FAM222B: variants seen among roughly 807,000 people sequenced by gnomAD.
FAM222B encodes the protein family with sequence similarity 222 member B.
In FAM222B, 12 loss-of-function variants were observed where a neutral mutation model predicts 38.0. The observed-to-expected ratio is 0.32, with a 90% CI of 0.20 to 0.51. The LOEUF (loss-of-function observed/expected upper bound fraction) is 0.51. FAM222B is among the 20% of genes least tolerant of loss of function. The pLI is 0.97. For missense variants in FAM222B, 716 were observed against 754.2 expected, an observed-to-expected ratio of 0.95 and a Z score of 0.59; for synonymous variants, 329 against 317.2, an observed-to-expected ratio of 1.04 and a Z score of -0.40.
chr17:28,852,138 C>G (rs916425528), intron 1 of FAM222B, among the ~76,000 whole-genome samples: 2 of 151,544 alleles, frequency 1.3e-5, no homozygotes, highest in Non-Finnish European at 2.9e-5. Flanking sequence ...GAGGCCAAGG[C>G]GGGTGGATCA....
chr17:28,762,893 G>T (rs1046327064), intron 2 of FAM222B, among the ~76,000 whole-genome samples: 1 of 149,460 alleles, frequency 6.7e-6, no homozygotes, highest in Non-Finnish European at 1.5e-5. Context: ...AGCCAAGATC[G>T]CACCACTGCA....
intron 2 of FAM222B, among the ~76,000 whole-genome samples, chr17:28,763,527 C>G (rs2035184309): frequency 6.6e-6 from 1 of 152,232 alleles, no homozygotes; most frequent in Admixed American, 6.5e-5. Flanking sequence ...CCAATGGAGA[C>G]CTCTCTGTTC....
rs575232453 is a variant in FAM222B at position 28,782,255 on chromosome 17, G to A, written c.-40-15548C>T. 3.3e-5 allele frequency among the ~76,000 whole-genome samples: 5 copies of A among 152,304 alleles called. No homozygotes were observed. The South Asian group carries it at 1.0e-3, about 32-fold the overall frequency. Reference sequence around the variant, plus strand: ...GAGGATCACTTAGGCTCAGGAGCTCGAGGTTGCAGTGAGTTATGAATGCAC... The same window carrying A: ...GAGGATCACTTAGGCTCAGGAGCTCAAGGTTGCAGTGAGTTATGAATGCAC... On this transcript the variant is annotated intron_variant, in intron 1 of 2. Coordinates refer to ENST00000581407, the MANE Select transcript of FAM222B (RefSeq NM_001077498.3).
intron 1 of FAM222B, among the ~76,000 whole-genome samples, chr17:28,814,181 AAAAAAAAAAAG>A (rs1282566700): frequency 1.3e-5 from 2 of 151,156 alleles, no homozygotes; most frequent in Non-Finnish European, 3.0e-5. Context: ...CTAACTCCAA[AAAAAAAAAAAG>A]AAAAGAAAAA....
intron 1 of FAM222B, among the ~76,000 whole-genome samples, chr17:28,851,472 T>C (rs1378201710): frequency 6.6e-6 from 1 of 151,834 alleles, no homozygotes; most frequent in Admixed American, 6.6e-5. Context: ...AGGCAGAGGT[T>C]GCAGTGAGCC....
chr17:28,810,568 A>T (rs1331080538), intron 1 of FAM222B, among the ~76,000 whole-genome samples: 2 of 152,110 alleles, frequency 1.3e-5, no homozygotes, highest in Non-Finnish European at 2.9e-5. Flanking sequence ...TCAATCAGTG[A>T]TTTTTAACAG....
At chr17:28,849,539 C>G (rs764905558) in intron 1 of FAM222B, 1 of 152,416 alleles carries the variant, frequency 6.6e-6, no homozygotes, top group Non-Finnish European at 1.5e-5. Flanking sequence ...ATCTTTGTAT[C>G]TGGAGTGTTT....
chr17:28,825,400 C>T (rs2038403014), intron 1 of FAM222B, among the ~76,000 whole-genome samples: 1 of 146,132 alleles, frequency 6.8e-6, no homozygotes, highest in African/African-American at 2.5e-5. Context: ...CACCACTGCA[C>T]TCCAACCTAG....
chr17:28,805,408 GCCTGTAAT>G, intron 1 of FAM222B, among the ~76,000 whole-genome samples: 4 of 152,166 alleles, frequency 2.6e-5, no homozygotes, highest in Admixed American at 2.6e-4. Context: ...GGTGGTACAT[GCCTGTAAT>G]CCCAGCTATT....
chr17:28,825,708 T>C (rs2038417022), intron 1 of FAM222B, among the ~76,000 whole-genome samples: 1 of 152,200 alleles, frequency 6.6e-6, no homozygotes, highest in Non-Finnish European at 1.5e-5. Context: ...CAATATAAAG[T>C]AGCTATCAAT....
In FAM222B at chr17:28,772,294, A is replaced by G. The variant is rs367813276; in HGVS notation, c.-40-5587T>C. 1.5e-4 allele frequency among the ~76,000 whole-genome samples: 23 copies of G among 152,290 alleles called. No homozygotes were observed. The South Asian group carries it at 2.3e-3, about 15-fold the overall frequency. Reference sequence around the variant, plus strand: ...AACTTTATGAATCCAGAAAGAGCCAACGTTTGAATGATTACTGCAATCTCA... The same window carrying G: ...AACTTTATGAATCCAGAAAGAGCCAGCGTTTGAATGATTACTGCAATCTCA... On this transcript the variant is annotated intron_variant, in intron 1 of 2. Transcript: ENST00000581407.
At chr17:28,773,425 G>T (rs997496637) in intron 1 of FAM222B, among the ~76,000 whole-genome samples, 2 of 137,246 alleles carry the variant, frequency 1.5e-5, no homozygotes, top group Non-Finnish European at 3.0e-5. Context: ...GTTGCAATGA[G>T]CTTAGATCAC....
chr17:28,786,809 C>T (rs1049197143), intron 1 of FAM222B, among the ~76,000 whole-genome samples: 1 of 151,406 alleles, frequency 6.6e-6, no homozygotes, highest in African/African-American at 2.4e-5. Context: ...CCATACATTG[C>T]TAGTGAAGAG....
At chr17:28,814,657 G>C (rs2037943541) in intron 1 of FAM222B, among the ~76,000 whole-genome samples, 1 of 152,064 alleles carries the variant, frequency 6.6e-6, no homozygotes, top group African/African-American at 2.4e-5. Context: ...ACTCGAGACG[G>C]GGTTTCGCCA....
chr17:28,761,540 A>C (rs2035071660), intron 2 of FAM222B, among the ~76,000 whole-genome samples: 1 of 152,238 alleles, frequency 6.6e-6, no homozygotes, highest in African/African-American at 2.4e-5. Context: ...ATTCAAAGTC[A>C]CATCACTGGG....
At chr17:28,789,574 A>G (rs957247127) in intron 1 of FAM222B, among the ~76,000 whole-genome samples, 1 of 152,084 alleles carries the variant, frequency 6.6e-6, no homozygotes, top group Non-Finnish European at 1.5e-5. Context: ...CAGTTCTATT[A>G]AGTCACTTCA....
rs1242083339 is a variant in FAM222B at position 28,816,594 on chromosome 17, C to T, written c.-41+26088G>A. On this transcript the variant is annotated intron_variant, in intron 1 of 2. Coordinates refer to ENST00000581407, the MANE Select transcript of FAM222B (RefSeq NM_001077498.3). ...AAATGTAACTCTGACACTTAATTTA[C>T]TCCAATCAAAACGACACAGTTCCCA... 4.6e-5 allele frequency among the ~76,000 whole-genome samples: 7 copies of T among 151,936 alleles called. No individual in the cohort carries two copies. The South Asian group carries it at 1.2e-3, about 27-fold the overall frequency.
intron 2 of FAM222B, among the ~76,000 whole-genome samples, chr17:28,765,814 A>C (rs1757271801): frequency 6.6e-6 from 1 of 152,224 alleles, no homozygotes; most frequent in East Asian, 1.9e-4. Flanking sequence ...TGAGAAAGCT[A>C]GCTCTCCATC....
upstream of FAM222B, among the ~76,000 whole-genome samples, chr17:28,847,542 C>A (rs980853802): frequency 1.3e-5 from 2 of 151,926 alleles, no homozygotes; most frequent in African/African-American, 2.4e-5. Flanking sequence ...TGCAGTGAGC[C>A]GAGATCGTGC....
Sources: gnomAD v4.1 joint callset for allele counts (sites outside exome capture counted in the v4.1 genomes callset) on GRCh38, gnomAD v4.1.1 for gene constraint, MANE v1.5 for transcripts, NCBI Gene and HGNC (gene_info 2026-07-23, HGNC 2026-07-21) for gene names.